Variants in ANKS1B observed in about 807,000 individuals in gnomAD.
The protein encoded by ANKS1B is ankyrin repeat and sterile alpha motif domain containing 1B.
Under a neutral mutation model 148.3 loss-of-function variants are expected in ANKS1B, and 36 were observed. The ratio of observed to expected loss-of-function variants is 0.24; its 90% CI spans 0.19 to 0.32. ANKS1B has a LOEUF of 0.32. Among genes scored for constraint, ANKS1B ranks in the 10% least tolerant of loss-of-function variants. The probability of loss-of-function intolerance (pLI) is 1.00; values close to 1 mark genes in which losing one functional copy is unlikely to be tolerated. For missense variants in ANKS1B, 1,157 were observed against 1,542.6 expected (o/e 0.75, Z 4.19); for synonymous variants, 542 against 560.8 (o/e 0.97, Z 0.47).
chr12:99,498,551 C>G (rs2096625766), intron 10 of ANKS1B, among the ~76,000 whole-genome samples: 1 of 152,158 alleles, frequency 6.6e-6, no homozygotes, highest in African/African-American at 2.4e-5. Flanking sequence ...CTTCTACTCT[C>G]CCAGAGCACC....
At chr12:99,391,088 C>G (rs1302142550) in intron 12 of ANKS1B, among the ~76,000 whole-genome samples, 7 of 152,142 alleles carry the variant, frequency 4.6e-5, no homozygotes, top group Non-Finnish European at 1.0e-4. Flanking sequence ...CATGTACCAG[C>G]CATTCATTCG....
At chr12:99,759,321 A>G (rs2061861380) in intron 8 of ANKS1B, among the ~76,000 whole-genome samples, 1 of 151,934 alleles carries the variant, frequency 6.6e-6, no homozygotes, top group Non-Finnish European at 1.5e-5. Context: ...GCCACACTGT[A>G]TCTTTTACTT....
At chr12:99,534,871 G>A (rs898471794) in intron 9 of ANKS1B, among the ~76,000 whole-genome samples, 4 of 151,412 alleles carry the variant, frequency 2.6e-5, no homozygotes, top group Admixed American at 6.6e-5. Context: ...CACCACACCC[G>A]GCTGATTTTT....
At chr12:99,838,020 G>A (rs751124367) in intron 1 of ANKS1B, among the ~76,000 whole-genome samples, 21 of 151,918 alleles carry the variant, frequency 1.4e-4, no homozygotes, top group Non-Finnish European at 2.9e-4. Flanking sequence ...ATTTATAAGT[G>A]AGAACATGTG....
chr12:99,723,764 G>A (rs945885842), intron 8 of ANKS1B, among the ~76,000 whole-genome samples: 5 of 152,106 alleles, frequency 3.3e-5, no homozygotes, highest in East Asian at 1.9e-4. Context: ...GGTGCTCCTC[G>A]AGGTCAGAGT....
intron 17 of ANKS1B, among the ~76,000 whole-genome samples, chr12:99,025,555 G>T (rs1042242333): frequency 2.0e-5 from 3 of 152,168 alleles, no homozygotes; most frequent in African/African-American, 7.2e-5. Context: ...TGGACCTGGG[G>T]TCACTGTAGA....
chr12:99,728,852 AC>A (rs1361943954), intron 8 of ANKS1B, among the ~76,000 whole-genome samples: 1 of 152,130 alleles, frequency 6.6e-6, no homozygotes, highest in African/African-American at 2.4e-5. Flanking sequence ...ATCCTAACTA[AC>A]TAACTAACAG....
chr12:98,909,627 A>G (rs1363448680), intron 17 of ANKS1B, among the ~76,000 whole-genome samples: 1 of 152,242 alleles, frequency 6.6e-6, no homozygotes, highest in East Asian at 1.9e-4. Flanking sequence ...AAAAAGTCAA[A>G]ATGGAAAAGG....
chr12:99,106,921 G>T (rs192025379), intron 15 of ANKS1B, among the ~76,000 whole-genome samples: 1 of 152,180 alleles, frequency 6.6e-6, no homozygotes, highest in South Asian at 2.1e-4. Context: ...AGCTTGATAG[G>T]TTAAGTGTCT....
At chr12:99,631,229 C>T (rs192566923) in intron 9 of ANKS1B, among the ~76,000 whole-genome samples, 49 of 152,164 alleles carry the variant, frequency 3.2e-4, no homozygotes, top group Admixed American at 2.7e-3. Flanking sequence ...CCTCCAGAAC[C>T]ATAAAATACA....
intron 9 of ANKS1B, among the ~76,000 whole-genome samples, chr12:99,543,172 A>G (rs117546510): frequency 1.5e-3 from 230 of 152,194 alleles, no homozygotes; most frequent in Non-Finnish European, 2.8e-3. Context: ...GCAAAGGAAT[A>G]AGTATTTCTC....
At chr12:99,096,290 T>C (rs2056093926) in intron 15 of ANKS1B, among the ~76,000 whole-genome samples, 2 of 152,176 alleles carry the variant, frequency 1.3e-5, no homozygotes, top group African/African-American at 2.4e-5. Context: ...AGTTGACTGA[T>C]AGAATATTCC....
At chr12:98,818,104 C>T (rs1184864422) in intron 19 of ANKS1B, among the ~76,000 whole-genome samples, 4 of 152,026 alleles carry the variant, frequency 2.6e-5, no homozygotes, top group Non-Finnish European at 1.5e-5. Context: ...CATTCCCTTT[C>T]CAAACTCCCT....
chr12:99,487,722 A>C (rs150736031), intron 10 of ANKS1B, among the ~76,000 whole-genome samples: 130 of 152,176 alleles, frequency 8.5e-4, no homozygotes, highest in Non-Finnish European at 1.5e-3. Flanking sequence ...TGATGTGTTG[A>C]AATTGCCACA....
At chr12:99,728,901 C>T (rs937655904) in intron 8 of ANKS1B, among the ~76,000 whole-genome samples, 11 of 152,092 alleles carry the variant, frequency 7.2e-5, no homozygotes, top group African/African-American at 2.2e-4. Context: ...AACCAAACAC[C>T]GCATGTTTTC....
rs537275973 is a variant in ANKS1B, at chr12:99,246,311, A to T, written c.2310T>A (p.Ser770=). 1.2e-6 allele frequency: 2 copies of T among 1,602,986 alleles called. No individual in the cohort carries two copies. The highest frequency in any genetic ancestry group is 2.7e-5 in the African/African-American group (2 of 74,628). The change falls in exon 13 of 27, where the codon TCT becomes TCA. Residue 770 remains serine (S), a synonymous_variant. Coordinates refer to ENST00000683438, the MANE Select transcript of ANKS1B (RefSeq NM_001352186.2). The stretch of plus-strand genomic sequence containing the variant: ...CCGATGTGAAGGATGGTGTTCTTTC[A>T]GAATTCCCTTTAGAACTGTGTTCAG... The part of the protein sequence containing the change: ...STAEHSSKGN[S]ERTPSFTSEW...
chr12:99,144,398 A>T (rs149916532), intron 15 of ANKS1B, among the ~76,000 whole-genome samples: 1 of 152,192 alleles, frequency 6.6e-6, no homozygotes, highest in Admixed American at 6.6e-5. Flanking sequence ...AAAAACTCTA[A>T]GTTATTAGAA....
At chr12:99,067,066 C>T (rs981637512) in intron 16 of ANKS1B, among the ~76,000 whole-genome samples, 6 of 152,216 alleles carry the variant, frequency 3.9e-5, no homozygotes, top group African/African-American at 1.4e-4. Context: ...GGCACTCTGA[C>T]TGTGCCCTGG....
chr12:98,976,037 A>C (rs886972141), intron 17 of ANKS1B, among the ~76,000 whole-genome samples: 1 of 152,372 alleles, frequency 6.6e-6, no homozygotes, highest in South Asian at 2.1e-4. Flanking sequence ...TTTAAAAAGC[A>C]TATAGATGAG....
Sources: allele counts gnomAD v4.1 joint callset (sites outside exome capture counted in the v4.1 genomes callset), GRCh38; gene constraint gnomAD v4.1.1; transcripts MANE v1.5; gene names NCBI Gene and HGNC (gene_info 2026-07-23, HGNC 2026-07-21).